NPAS2: variants seen among roughly 807,000 people sequenced by gnomAD.
The protein encoded by NPAS2 is neuronal PAS domain-containing protein 2.
NPAS2 carries 23 observed loss-of-function variants against 107.5 expected under a neutral mutation model. The ratio of observed to expected loss-of-function variants is 0.21; its 90% CI spans 0.15 to 0.30. The LOEUF is 0.30. Ranked by LOEUF, NPAS2 falls within the 10% of genes least tolerant of loss-of-function variation. NPAS2 has a pLI of 1.00. For synonymous variants in NPAS2, 403 were observed against 417.5 expected, an observed-to-expected ratio of 0.97 and a Z score of 0.42; for missense variants, 756 against 1,043.3, an observed-to-expected ratio of 0.72 and a Z score of 3.79.
intron 1 of NPAS2, among the ~76,000 whole-genome samples, chr2:100,864,860 A>G (rs2104544957): frequency 6.6e-6 from 1 of 152,356 alleles, no homozygotes; most frequent in East Asian, 1.9e-4. Flanking sequence ...GAAAACTGAG[A>G]ACATTTAAAA....
In NPAS2 at chr2:100,901,542, G is replaced by A. The variant is rs188801846; in HGVS notation, c.-22-3191G>A. ...CGTGTTCCCTTCTCTCTTCCCTGACGCTCCCCTGTGCAGAGGATCCTGCAG... is the reference window on the plus strand; with the variant it reads ...CGTGTTCCCTTCTCTCTTCCCTGACACTCCCCTGTGCAGAGGATCCTGCAG... On this transcript the variant is annotated intron_variant, in intron 1 of 20. Transcript: ENST00000335681. The A allele has an allele frequency of 1.7e-3, 1,714 of 985,248 alleles. 2 individuals carry two copies. The highest frequency in any genetic ancestry group is 1.9e-3 in the Non-Finnish European group (1,564 of 829,856). The allele number at this position is 985,248 out of a possible 1,614,324, so 61.0% of individuals were successfully genotyped here.
chr2:100,831,009 T>C (rs1676696168), intron 1 of NPAS2, among the ~76,000 whole-genome samples: 3 of 152,144 alleles, frequency 2.0e-5, no homozygotes, highest in African/African-American at 7.2e-5. Context: ...CTACCAAATC[T>C]TGTGTTTGGG....
chr2:100,894,810 G>A (rs564090690), intron 1 of NPAS2, among the ~76,000 whole-genome samples: 4 of 152,290 alleles, frequency 2.6e-5, no homozygotes, highest in East Asian at 3.9e-4. Context: ...GATCACAAGC[G>A]ACAGCAAGAT....
chr2:100,851,451 C>T (rs181338330), intron 1 of NPAS2, among the ~76,000 whole-genome samples: 8 of 152,178 alleles, frequency 5.3e-5, no homozygotes, highest in East Asian at 1.9e-4. Context: ...CTCTGAATGC[C>T]GTCATTCTGC....
At position 100,937,884 on chromosome 2, in the gene NPAS2, A is replaced by G. The variant is rs750808508; in HGVS notation, c.363+42A>G. The stretch of plus-strand genomic sequence containing the variant: ...ATGGCCTTTACCGGTTCACGTTACC[A>G]TGTTTCTGTTGAGAATCATTAGATC... On this transcript the variant is annotated intron_variant, in intron 5 of 20. Coordinates refer to ENST00000335681, the MANE Select transcript of NPAS2 (RefSeq NM_002518.4). The G allele has an allele frequency of 1.2e-5, 17 of 1,414,604 alleles. No homozygotes were observed. The Admixed American group carries it at 2.3e-4, about 20-fold the overall frequency. The allele number at this position is 1,414,604 out of a possible 1,614,324, so 87.6% of individuals were successfully genotyped here.
intron 2 of NPAS2, among the ~76,000 whole-genome samples, chr2:100,915,952 G>C (rs774794799): frequency 6.6e-6 from 1 of 152,180 alleles, no homozygotes; most frequent in Admixed American, 6.5e-5. Context: ...CAGCATAAAA[G>C]AGGGGAGAAG....
intron 5 of NPAS2, among the ~76,000 whole-genome samples, chr2:100,940,228 G>A (rs971424044): frequency 2.6e-5 from 4 of 152,188 alleles, no homozygotes; most frequent in African/African-American, 4.8e-5. Flanking sequence ...AATGGCCCAG[G>A]CAGTGAGAGG....
chr2:100,859,209 G>A (rs553118050), intron 1 of NPAS2, among the ~76,000 whole-genome samples: 2 of 152,298 alleles, frequency 1.3e-5, no homozygotes, highest in Admixed American at 1.3e-4. Flanking sequence ...GTTGCAGTGA[G>A]CCGAGATCAT....
chr2:100,923,173 G>A (rs1221668457), intron 2 of NPAS2, among the ~76,000 whole-genome samples: 2 of 152,216 alleles, frequency 1.3e-5, no homozygotes, highest in Non-Finnish European at 2.9e-5. Flanking sequence ...AGTGTGTGAT[G>A]TGAGAGAGTG....
At chr2:100,868,627 ACTGT>A (rs1338234138) in intron 1 of NPAS2, among the ~76,000 whole-genome samples, 1 of 152,148 alleles carries the variant, frequency 6.6e-6, no homozygotes, top group Non-Finnish European at 1.5e-5. Flanking sequence ...GTGTTAGGTC[ACTGT>A]CTGTTGATTT....
At chr2:100,852,188 A>C (rs891277413) in intron 1 of NPAS2, among the ~76,000 whole-genome samples, 3 of 151,988 alleles carry the variant, frequency 2.0e-5, no homozygotes, top group African/African-American at 7.2e-5. Context: ...CGAGGTCAGG[A>C]GATCAAGACC....
At chr2:100,918,918 G>A (rs1213026844) in intron 2 of NPAS2, among the ~76,000 whole-genome samples, 1 of 152,118 alleles carries the variant, frequency 6.6e-6, no homozygotes, top group Non-Finnish European at 1.5e-5. Flanking sequence ...ATACAAACAC[G>A]TTCACTGAAA....
At chr2:100,915,296 C>T (rs978339695) in intron 2 of NPAS2, among the ~76,000 whole-genome samples, 2 of 152,120 alleles carry the variant, frequency 1.3e-5, no homozygotes, top group African/African-American at 4.8e-5. Flanking sequence ...TGCTTGGCCC[C>T]AGATGAAAGC....
chr2:100,841,642 AGACT>A (rs1677407084), intron 1 of NPAS2, among the ~76,000 whole-genome samples: 1 of 152,178 alleles, frequency 6.6e-6, no homozygotes, highest in South Asian at 2.1e-4. Flanking sequence ...TTCGATAACC[AGACT>A]GACCCTCCAG....
chr2:100,911,486 G>A (rs1041980104), intron 2 of NPAS2, among the ~76,000 whole-genome samples: 6 of 152,014 alleles, frequency 3.9e-5, no homozygotes, highest in East Asian at 1.9e-4. Context: ...GTGCAGTGGC[G>A]CAATCATGGC....
chr2:100,950,052 C>T (rs769644898), intron 7 of NPAS2, among the ~76,000 whole-genome samples: 12 of 152,250 alleles, frequency 7.9e-5, no homozygotes, highest in Non-Finnish European at 1.5e-4. Context: ...ATTAACCAAA[C>T]TCTGGCTACA....
chr2:100,980,437 G>A (rs1222667067), intron 15 of NPAS2, among the ~76,000 whole-genome samples: 2 of 152,100 alleles, frequency 1.3e-5, no homozygotes, highest in East Asian at 1.9e-4. Context: ...GTCTGGGATA[G>A]CGCAGGGTTT....
At chr2:100,878,019 A>G (rs2104614429) in intron 1 of NPAS2, 2 of 985,386 alleles carry the variant, frequency 2.0e-6, no homozygotes, top group South Asian at 9.4e-5. Context: ...TATAGCTAAT[A>G]CCAGAGTGCT....
In NPAS2 at chr2:100,968,396, C is replaced by G. The variant is rs776012353; in HGVS notation, c.1023C>G (p.Pro341=). ...YITYHQWNSK[P]EFIVCTHSVV... ...CCTACCATCAGTGGAACTCCAAGCC[C>G]GAGTTCATCGTGTGCACACACTCGG... is the stretch of plus-strand genomic sequence containing the variant. The change falls in exon 11 of 21, where the codon CCC becomes CCG. Residue 341 remains proline, a synonymous_variant. Transcript: ENST00000335681. The surrounding 1 kb of genome is among the most constrained non-coding windows in gnomAD (Gnocchi z 5.3). 8 of 1,614,096 alleles carry G rather than the reference C, an allele frequency of 5.0e-6. No homozygotes were observed. The South Asian group carries it at 7.7e-5, about 16-fold the overall frequency.
Sources: gnomAD v4.1 joint callset for allele counts (sites outside exome capture counted in the v4.1 genomes callset) on GRCh38, gnomAD v4.1.1 for gene constraint, Gnocchi (gnomAD v3.1) non-coding constraint, MANE v1.5 for transcripts, NCBI Gene and HGNC (gene_info 2026-07-23, HGNC 2026-07-21) for gene names.